Variants in VMP1 observed in about 807,000 individuals in gnomAD.
VMP1 encodes the protein vacuole membrane protein 1.
Under a neutral mutation model 56.0 loss-of-function variants are expected in VMP1, and 11 were observed. The ratio of observed to expected loss-of-function variants is 0.20; its 90% confidence interval spans 0.12 to 0.32. VMP1 has a LOEUF of 0.32. VMP1 is among the 10% of genes least tolerant of loss of function. VMP1 has a pLI of 1.00. For missense variants in VMP1, 296 were observed against 490.3 expected, an observed-to-expected ratio of 0.60 and a Z score of 3.74; for synonymous variants, 149 against 165.0, an observed-to-expected ratio of 0.90 and a Z score of 0.74.
chr17:59,710,760 ATGT>A, intron 1 of VMP1, among the ~76,000 whole-genome samples: 1 of 152,306 alleles, frequency 6.6e-6, no homozygotes, highest in East Asian at 1.9e-4. Context: ...TCTACTGTGA[ATGT>A]TGTTGCTAAA....
intron 5 of VMP1, among the ~76,000 whole-genome samples, chr17:59,742,050 T>G (rs1460990771): frequency 6.6e-6 from 1 of 152,216 alleles, no homozygotes; most frequent in Non-Finnish European, 1.5e-5. Flanking sequence ...TTACATATTA[T>G]GTGAAAGTAT....
Position 59,841,376 on chromosome 17 carries a change from C to G in VMP1, c.*1465C>G. On this transcript the variant is annotated 3_prime_UTR_variant, in exon 12 of 12. Transcript: ENST00000262291. ...CATCTGACCATCCATATCCAATGTT[C>G]TCATTTAAACATTACCCAGCATCAT... The G allele has an allele frequency of 2.1e-6, 1 of 486,788 alleles. No individual in the cohort carries two copies. The highest frequency in any genetic ancestry group is 1.5e-5 in the South Asian group (1 of 66,940). 30.2% of individuals were successfully genotyped at this position (486,788 alleles called of 1,614,324 possible).
intron 7 of VMP1, among the ~76,000 whole-genome samples, chr17:59,782,608 A>G (rs2036862902): frequency 6.6e-6 from 1 of 152,204 alleles, no homozygotes; most frequent in African/African-American, 2.4e-5. Context: ...CGTAGATAAC[A>G]TGTATTTGGT....
At chr17:59,812,413 TG>T (rs2038082364) in intron 9 of VMP1, among the ~76,000 whole-genome samples, 4 of 152,034 alleles carry the variant, frequency 2.6e-5, no homozygotes, top group Non-Finnish European at 4.4e-5. Context: ...ATCTTTAGGA[TG>T]GAGGGTGTGT....
intron 9 of VMP1, among the ~76,000 whole-genome samples, 172 bp downstream of exon 9, chr17:59,811,958 CTTTCT>C (rs1476765231): frequency 6.6e-6 from 1 of 151,988 alleles, no homozygotes; most frequent in Non-Finnish European, 1.5e-5. Flanking sequence ...TCCTTGTTTT[CTTTCT>C]TTTCTTCTTT....
Position 59,773,871 on chromosome 17 carries a change from G to T in VMP1, c.700G>T (p.Ala234Ser), listed in dbSNP as rs1352057785. Residue 234 changes from alanine to serine, a missense_variant, in exon 7 of 12, where the codon GCA (alanine) becomes TCA (serine). Coordinates refer to ENST00000262291, the MANE Select transcript of VMP1 (RefSeq NM_030938.5). ...YQEFEEMLEH[A>S]ESAQDFASRA... ...GGAATTTGAAGAGATGCTGGAACAT[G>T]CAGAGTCTGCACAAGTAAGAACAGT... is the stretch of plus-strand genomic sequence containing the variant. 1.2e-6 allele frequency: 2 copies of T among 1,612,146 alleles called. No homozygotes were observed. Among genetic ancestry groups the T allele is most frequent in the East Asian group, 2.2e-5 (1 of 44,762 alleles).
intron 7 of VMP1, among the ~76,000 whole-genome samples, chr17:59,786,107 A>G (rs1321187894): frequency 2.0e-5 from 3 of 152,208 alleles, no homozygotes; most frequent in Admixed American, 6.5e-5. Flanking sequence ...AAACCAAAAA[A>G]CAGTTTATTA....
chr17:59,839,005 T>G (rs2039072204), intron 11 of VMP1: 1 of 152,050 alleles, frequency 6.6e-6, no homozygotes, highest in East Asian at 1.9e-4. Flanking sequence ...TTCTTTGGGG[T>G]TTTTTTGAGA....
chr17:59,737,889 C>T (rs941541092), intron 4 of VMP1, among the ~76,000 whole-genome samples: 1 of 152,050 alleles, frequency 6.6e-6, no homozygotes, highest in Non-Finnish European at 1.5e-5. Flanking sequence ...CCTGCTGTAG[C>T]CTCCCAAGTA....
intron 7 of VMP1, among the ~76,000 whole-genome samples, chr17:59,779,602 C>G (rs2036747907): frequency 6.6e-6 from 1 of 152,154 alleles, no homozygotes; most frequent in South Asian, 2.1e-4. Flanking sequence ...GTTCTCATTT[C>G]TGTTTTCTAT....
At chr17:59,806,128 A>G (rs2144198593) in intron 7 of VMP1, among the ~76,000 whole-genome samples, 1 of 152,308 alleles carries the variant, frequency 6.6e-6, no homozygotes, top group Admixed American at 6.5e-5. Flanking sequence ...AATGGATTAT[A>G]AACTTAGTAA....
chr17:59,836,968 G>A (rs950916143), intron 10 of VMP1, among the ~76,000 whole-genome samples: 25 of 151,962 alleles, frequency 1.6e-4, no homozygotes, highest in African/African-American at 5.6e-4. Context: ...TTGGGAGGCC[G>A]AGGAAGGGGG....
intron 1 of VMP1, among the ~76,000 whole-genome samples, chr17:59,718,363 A>AT (rs1470113813): frequency 6.0e-5 from 9 of 150,696 alleles, no homozygotes; most frequent in African/African-American, 2.2e-4. Flanking sequence ...CGCCCGGCTG[A>AT]TTTTTTGTAC....
At chr17:59,817,383 C>T (rs917472264) in intron 9 of VMP1, among the ~76,000 whole-genome samples, 5 of 150,104 alleles carry the variant, frequency 3.3e-5, no homozygotes, top group African/African-American at 1.2e-4. Flanking sequence ...GGAGTCTCCT[C>T]ACTCTGTCAT....
At chr17:59,724,976 A>C (rs1177795459) in intron 1 of VMP1, among the ~76,000 whole-genome samples, 1 of 129,634 alleles carries the variant, frequency 7.7e-6, no homozygotes, top group Non-Finnish European at 1.6e-5. Context: ...AAAAAAAAAA[A>C]CAAAAACAAA....
intron 5 of VMP1, among the ~76,000 whole-genome samples, chr17:59,739,731 A>G (rs1433545116): frequency 1.3e-5 from 2 of 148,738 alleles, no homozygotes; most frequent in African/African-American, 5.0e-5. Context: ...CTCAAAAAAA[A>G]AAAAAAAAAA....
At chr17:59,750,678 G>A (rs2035606677) in intron 5 of VMP1, among the ~76,000 whole-genome samples, 1 of 151,990 alleles carries the variant, frequency 6.6e-6, no homozygotes. Flanking sequence ...TTATAGTGAG[G>A]TATATTGTAC....
At chr17:59,819,501 TG>T (rs780476890) in intron 10 of VMP1, among the ~76,000 whole-genome samples, 22 of 152,184 alleles carry the variant, frequency 1.4e-4, no homozygotes, top group Non-Finnish European at 2.9e-4. Flanking sequence ...CGCTCCAGGC[TG>T]GAGTGCAGTG....
chr17:59,709,504 C>T (rs2033824372), intron 1 of VMP1, among the ~76,000 whole-genome samples: 1 of 152,118 alleles, frequency 6.6e-6, no homozygotes, highest in African/African-American at 2.4e-5. Context: ...ACAACTGTCA[C>T]AAAGATTAAA....
Sources: gnomAD v4.1 joint callset for allele counts (sites outside exome capture counted in the v4.1 genomes callset) on GRCh38, gnomAD v4.1.1 for gene constraint, MANE v1.5 for transcripts, NCBI Gene and HGNC (gene_info 2026-07-23, HGNC 2026-07-21) for gene names.